The following DYRK4 variants were observed in gnomAD, a reference collection of about 807,000 sequenced individuals.
DYRK4 encodes dual specificity tyrosine-phosphorylation-regulated kinase 4.
DYRK4 carries 64 observed loss-of-function variants against 68.3 expected under a neutral mutation model. The observed-to-expected ratio is 0.94, with a 90% CI of 0.77 to 1.15. The LOEUF (loss-of-function observed/expected upper bound fraction) is 1.15, where lower values mean the gene tolerates loss of function less well. DYRK4 is among the 50% of genes most tolerant of loss of function. DYRK4 has a pLI of 0.00. For synonymous variants in DYRK4, 274 were observed against 289.9 expected (o/e 0.95, Z 0.56); for missense variants, 740 against 764.7 (o/e 0.97, Z 0.38).
chr12:4,593,762 G>C (rs949016927), intron 6 of DYRK4, among the ~76,000 whole-genome samples: 4 of 152,216 alleles, frequency 2.6e-5, no homozygotes, highest in Non-Finnish European at 5.9e-5. Context: ...CCAGGGCTGA[G>C]CATGTTGGGA....
intron 2 of DYRK4, among the ~76,000 whole-genome samples, chr12:4,584,812 C>T (rs1467293951): frequency 6.6e-6 from 1 of 152,140 alleles, no homozygotes; most frequent in Non-Finnish European, 1.5e-5. Flanking sequence ...ACCTCGGCCT[C>T]CCAAAGTGCT....
intron 8 of DYRK4, 130 bp from the exon 9 acceptor site, chr12:4,598,898 C>T (rs1945048378): frequency 3.9e-6 from 4 of 1,016,028 alleles, no homozygotes; most frequent in East Asian, 2.4e-5. Flanking sequence ...GGCATGAAAG[C>T]CTTGCCTCCT....
intron 6 of DYRK4, among the ~76,000 whole-genome samples, chr12:4,595,927 T>C (rs1047586839): frequency 5.9e-5 from 9 of 152,202 alleles, no homozygotes. Flanking sequence ...ATCAAGCCTG[T>C]GGGACTTTCC....
intron 1 of DYRK4, among the ~76,000 whole-genome samples, chr12:4,564,061 T>G (rs1944653957): frequency 6.6e-6 from 1 of 152,174 alleles, no homozygotes; most frequent in Non-Finnish European, 1.5e-5. Context: ...CAAAACCTCT[T>G]CTAGCTCTTT....
rs763944754 is a variant in DYRK4, at chr12:4,613,524, C to T, written c.1676C>T (p.Thr559Ile). Reference sequence around the variant, plus strand: ...CTCTCTCCTTTAGCAGATGAGATCACCAAAGAGACTACAGAGAAAACAAAA... The same window carrying T: ...CTCTCTCCTTTAGCAGATGAGATCATCAAAGAGACTACAGAGAAAACAAAA... ...CHHSSRKDEI[T>I]KETTEKTKDS... Residue 559 changes from threonine to isoleucine, a missense_variant, in exon 15 of 15, where the codon ACC (threonine) becomes ATC (isoleucine). Coordinates refer to ENST00000543431, the MANE Select transcript of DYRK4 (RefSeq NM_001394779.1). The surrounding 1 kb of genome is among the most constrained non-coding windows in gnomAD (Gnocchi z 4.0). 3.7e-6 allele frequency: 6 copies of T among 1,612,574 alleles called. No individual in the cohort carries two copies. Among genetic ancestry groups the T allele is most frequent in the Admixed American group, 3.3e-5 (2 of 59,952 alleles).
chr12:4,571,598 T>A (rs1944730801), intron 2 of DYRK4, among the ~76,000 whole-genome samples: 1 of 152,218 alleles, frequency 6.6e-6, no homozygotes, highest in Non-Finnish European at 1.5e-5. Flanking sequence ...CGTATTTTAT[T>A]GTATTTTATT....
intron 2 of DYRK4, 112 bp from the exon 3 acceptor site, chr12:4,588,825 A>T: frequency 1.0e-6 from 1 of 960,720 alleles, no homozygotes; most frequent in Non-Finnish European, 1.6e-6. Flanking sequence ...CCAGCTAAGG[A>T]TTCAGGAGAG....
chr12:4,562,546 C>T (rs1944637832), intron 1 of DYRK4, among the ~76,000 whole-genome samples: 1 of 152,240 alleles, frequency 6.6e-6, no homozygotes, highest in Non-Finnish European at 1.5e-5. Context: ...GCGACTCCAG[C>T]TGAGTGCAGG....
chr12:4,610,244 T>C lies in DYRK4; in HGVS notation c.1450T>C (p.Tyr484His). 1 of 1,593,902 alleles carries C rather than the reference T, an allele frequency of 6.3e-7. No individual in the cohort carries two copies. Among genetic ancestry groups the C allele is most frequent in the Non-Finnish European group, 8.5e-7 (1 of 1,171,922 alleles). Reference protein sequence around the residue: ...SKDLTMVLKTYDTSFLDFLRR... With the variant: ...SKDLTMVLKTHDTSFLDFLRR... ...GGACCTCACGATGGTGCTGAAAACC[T>C]ATGACACCAGCTTCCTGGACTTTCT... Residue 484 changes from tyrosine to histidine, a missense_variant, in exon 13 of 15, where the codon TAT (tyrosine) becomes CAT (histidine). By Grantham distance (83) the Tyr-to-His change is moderately conservative. This residue lies in a region of DYRK4 where 614 missense variants were observed against 603.7 expected (regional missense o/e 1.02). Transcript: ENST00000543431.
rs35018398 is a variant in DYRK4, at chr12:4,584,552, CTTTTTTT to C, written c.133-4370_133-4364del. On this transcript the variant is annotated intron_variant, in intron 2 of 14. Transcript: ENST00000543431. ...TTTCCCCCTTCCTTTTCTAATCAGCCTTTTTTTTTTTTTTTTTTTTTGAGGCAGAGTC... is the reference window on the plus strand; with the variant it reads ...TTTCCCCCTTCCTTTTCTAATCAGCCTTTTTTTTTTTTTTGAGGCAGAGTC... Among the ~76,000 whole-genome samples the C allele has an allele frequency of 1.9e-3, 198 of 103,856 alleles. 1 individual carries two copies. The highest frequency in any genetic ancestry group is 6.6e-3 in the African/African-American group (185 of 27,946). 68.1% of individuals were successfully genotyped at this position (103,856 alleles called of 152,430 possible). A position where few individuals can be genotyped will look rare whatever the true frequency, so the allele number is the denominator to read the frequency against.
rs746657261 is a variant in DYRK4 at position 4,567,810 on chromosome 12, G to A, written c.39-145G>A. On this transcript the variant is annotated intron_variant, in intron 1 of 14. Coordinates refer to ENST00000543431, the MANE Select transcript of DYRK4 (RefSeq NM_001394779.1). ...ATGTGACCATCAGAAGGGAAGCAAGGGAGAAGCAGGGACCCTGCTCCTGCT... is the reference window on the plus strand; with the variant it reads ...ATGTGACCATCAGAAGGGAAGCAAGAGAGAAGCAGGGACCCTGCTCCTGCT... 3 of 657,242 alleles carry A rather than the reference G, an allele frequency of 4.6e-6. No individual in the cohort carries two copies. In the African/African-American group the frequency reaches 5.5e-5, roughly 12 times the overall value. The allele number at this position is 657,242 out of a possible 1,614,324, so 40.7% of individuals were successfully genotyped here.
chr12:4,606,442 A>G (rs908500203), intron 11 of DYRK4, among the ~76,000 whole-genome samples: 6 of 152,224 alleles, frequency 3.9e-5, no homozygotes, highest in South Asian at 4.1e-4. Flanking sequence ...TTCATGATCG[A>G]AACTAATAAT....
At chr12:4,589,187 TC>T (rs546476023) in intron 3 of DYRK4, among the ~76,000 whole-genome samples, 170 bp downstream of exon 3, 42 of 152,268 alleles carry the variant, frequency 2.8e-4, no homozygotes, top group African/African-American at 9.9e-4. Flanking sequence ...CCACGCCCCA[TC>T]TCCTCCACAT....
At chr12:4,589,137 C>T (rs1328703568) in intron 3 of DYRK4, 120 bp downstream of exon 3, 2 of 830,198 alleles carry the variant, frequency 2.4e-6, no homozygotes, top group Non-Finnish European at 3.8e-6. Flanking sequence ...AACATGATGA[C>T]AGCACTCTAT....
At chr12:4,567,812 A>G (rs1336480432) in intron 1 of DYRK4, 143 bp from the exon 2 acceptor site, 4 of 662,454 alleles carry the variant, frequency 6.0e-6, no homozygotes, top group African/African-American at 5.5e-5. Flanking sequence ...GAAGCAAGGG[A>G]GAAGCAGGGA....
chr12:4,593,128 AGACGAGTTTT>A lies in DYRK4; in HGVS notation c.593_602del (p.Thr198MetfsTer8). The A allele has an allele frequency of 1.9e-6, 3 of 1,614,182 alleles. No individual in the cohort carries two copies. In the South Asian group the frequency reaches 3.3e-5, roughly 18 times the overall value. ...GACACGGCTCCTGAGAAATTTAGCA[AGACGAGTTTT>A]GATGATGAGCATGGCTTCTATCTGA... On this transcript the variant is annotated frameshift_variant, in exon 6 of 15. Coordinates refer to ENST00000543431, the MANE Select transcript of DYRK4 (RefSeq NM_001394779.1). LOFTEE classifies it high-confidence loss of function.
chr12:4,568,871 G>T (rs887551462), intron 2 of DYRK4, among the ~76,000 whole-genome samples: 3 of 152,180 alleles, frequency 2.0e-5, no homozygotes, highest in Non-Finnish European at 4.4e-5. Context: ...GAATTTCTTA[G>T]TTTGTTCAAA....
intron 2 of DYRK4, chr12:4,573,037 AC>A: frequency 3.3e-6 from 1 of 300,388 alleles, no homozygotes; most frequent in Non-Finnish European, 6.5e-6. Context: ...AGCTGAAGAG[AC>A]AGCAAACAGC....
At chr12:4,579,043 G>A (rs913954259) in intron 2 of DYRK4, among the ~76,000 whole-genome samples, 3 of 152,120 alleles carry the variant, frequency 2.0e-5, no homozygotes, top group Admixed American at 6.5e-5. Flanking sequence ...TTGGGAGGCC[G>A]AGGTGGGTGG....
Sources: allele counts gnomAD v4.1 joint callset (sites outside exome capture counted in the v4.1 genomes callset), GRCh38; gene constraint gnomAD v4.1.1; regional missense constraint gnomAD v4.1.1; non-coding constraint Gnocchi (gnomAD v3.1); transcripts MANE v1.5; gene names NCBI Gene and HGNC (gene_info 2026-07-23, HGNC 2026-07-21).